The following CSMD1 variants were observed in gnomAD, a reference collection of about 807,000 sequenced individuals.
CSMD1 encodes CUB and sushi domain-containing protein 1.
A neutral mutation model predicts 417.5 loss-of-function variants in CSMD1; 213 were observed. The ratio of observed to expected loss-of-function variants is 0.51; its 90% CI spans 0.46 to 0.57. CSMD1 has a LOEUF of 0.57. CSMD1 is among the 20% of genes least tolerant of loss of function. The probability of loss-of-function intolerance (pLI) is 0.00; values close to 1 mark genes in which losing one functional copy is unlikely to be tolerated. For missense variants in CSMD1, 6,923 were observed against 4,529.7 expected, an observed-to-expected ratio of 1.53 and a Z score of -15.17; for synonymous variants, 2,862 against 1,736.8, an observed-to-expected ratio of 1.65 and a Z score of -16.11.
intron 6 of CSMD1, among the ~76,000 whole-genome samples, chr8:3,722,491 C>G (rs1015185784): frequency 1.3e-5 from 2 of 152,118 alleles, no homozygotes; most frequent in Non-Finnish European, 1.5e-5. Flanking sequence ...CCATTCTCTC[C>G]TGAAAAGCAG....
At chr8:3,029,561 C>G (rs891099741) in intron 50 of CSMD1, 48 bp from the exon 51 acceptor site, 5 of 1,501,152 alleles carry the variant, frequency 3.3e-6, no homozygotes, top group Non-Finnish European at 4.5e-6. Flanking sequence ...TTTTGGAAAA[C>G]ATCAGACCGT....
At chr8:4,178,142 G>C (rs572328260) in intron 3 of CSMD1, among the ~76,000 whole-genome samples, 31 of 152,254 alleles carry the variant, frequency 2.0e-4, no homozygotes, top group African/African-American at 6.7e-4. Flanking sequence ...GAGAATTTTA[G>C]ACCAATATCC....
intron 2 of CSMD1, among the ~76,000 whole-genome samples, chr8:4,476,820 C>T (rs1031667394): frequency 1.3e-5 from 2 of 152,196 alleles, no homozygotes; most frequent in Non-Finnish European, 2.9e-5. Flanking sequence ...AAACCCATCA[C>T]CGTACTTCCC....
intron 3 of CSMD1, among the ~76,000 whole-genome samples, chr8:4,292,247 G>T (rs1186435555): frequency 6.6e-6 from 1 of 151,856 alleles, no homozygotes; most frequent in Non-Finnish European, 1.5e-5. Flanking sequence ...TGTCGTCGTT[G>T]TTGTTGTTGT....
chr8:4,341,507 G>C (rs185147222), intron 3 of CSMD1, among the ~76,000 whole-genome samples: 254 of 152,224 alleles, frequency 1.7e-3, no homozygotes, highest in Admixed American at 4.1e-3. Flanking sequence ...TATCATGAAT[G>C]TGGCCCTTTC....
intron 7 of CSMD1, among the ~76,000 whole-genome samples, chr8:3,693,753 G>T (rs971661369): frequency 6.6e-5 from 10 of 151,972 alleles, no homozygotes; most frequent in African/African-American, 2.4e-4. Context: ...TGTGTGTGTT[G>T]TATGTGTGTT....
chr8:4,318,253 C>T (rs533701802), intron 3 of CSMD1, among the ~76,000 whole-genome samples: 2 of 152,076 alleles, frequency 1.3e-5, no homozygotes, highest in Admixed American at 6.6e-5. Flanking sequence ...AGAAATGACA[C>T]TTGGTAACAT....
intron 3 of CSMD1, among the ~76,000 whole-genome samples, chr8:4,314,381 C>A (rs943490758): frequency 6.6e-6 from 1 of 152,186 alleles, no homozygotes; most frequent in Non-Finnish European, 1.5e-5. Flanking sequence ...TCTGTCAGGG[C>A]CAGAGTTCAC....
At chr8:3,268,087 G>A (rs1801561737) in intron 26 of CSMD1, among the ~76,000 whole-genome samples, 1 of 151,984 alleles carries the variant, frequency 6.6e-6, no homozygotes, top group Admixed American at 6.6e-5. Context: ...CAATGCCCAT[G>A]GGGTACTCAG....
At chr8:3,512,116 C>G (rs1011145891) in intron 10 of CSMD1, among the ~76,000 whole-genome samples, 7 of 152,172 alleles carry the variant, frequency 4.6e-5, no homozygotes, top group African/African-American at 1.7e-4. Context: ...CTCATCCTGC[C>G]TGGACTGTGG....
chr8:4,355,001 G>A (rs985605366), intron 3 of CSMD1, among the ~76,000 whole-genome samples: 12 of 151,830 alleles, frequency 7.9e-5, no homozygotes, highest in Admixed American at 2.0e-4. Flanking sequence ...GGTGGCTCAC[G>A]CCTGTAATCC....
chr8:4,164,033 A>G (rs1343216917), intron 3 of CSMD1, among the ~76,000 whole-genome samples: 1 of 152,180 alleles, frequency 6.6e-6, no homozygotes, highest in Non-Finnish European at 1.5e-5. Flanking sequence ...AGCTGTTGGT[A>G]CATGTGTCAT....
At chr8:4,155,765 T>A (rs938206942) in intron 3 of CSMD1, among the ~76,000 whole-genome samples, 3 of 152,156 alleles carry the variant, frequency 2.0e-5, no homozygotes, top group Non-Finnish European at 4.4e-5. Context: ...GATCCCCGGA[T>A]CTTTCCAGTA....
chr8:4,730,801 G>C (rs1809800262), intron 1 of CSMD1, among the ~76,000 whole-genome samples: 2 of 151,960 alleles, frequency 1.3e-5, no homozygotes, highest in South Asian at 4.2e-4. Flanking sequence ...AGACGGAGAA[G>C]TTGCTGATTT....
chr8:3,295,404 G>A (rs1224563315), intron 25 of CSMD1, among the ~76,000 whole-genome samples: 1 of 152,116 alleles, frequency 6.6e-6, no homozygotes, highest in East Asian at 1.9e-4. Context: ...GGGATTAGAG[G>A]TGTGAGCCAC....
In CSMD1 at chr8:3,348,215, T is replaced by C. The variant is rs1487130087; in HGVS notation, c.3305-54A>G. On this transcript the variant is annotated intron_variant, in intron 21 of 69. Coordinates refer to ENST00000635120, the MANE Select transcript of CSMD1 (RefSeq NM_033225.6). ...GGATTCAAAAGTGGAATTACTGTTTTTAACAGATTAAAAACTTTAAAATCA... is the reference window on the plus strand; with the variant it reads ...GGATTCAAAAGTGGAATTACTGTTTCTAACAGATTAAAAACTTTAAAATCA... 9 of 1,429,504 alleles carry C rather than the reference T, an allele frequency of 6.3e-6. No individual in the cohort carries two copies. In the East Asian group the frequency reaches 1.6e-4, roughly 26 times the overall value. The allele number at this position is 1,429,504 out of a possible 1,614,324, so 88.6% of individuals were successfully genotyped here.
chr8:4,288,485 G>C (rs1797183717), intron 3 of CSMD1, among the ~76,000 whole-genome samples: 2 of 152,120 alleles, frequency 1.3e-5, no homozygotes, highest in Admixed American at 6.5e-5. Flanking sequence ...GAGGCTATGG[G>C]TAATCCCACT....
At chr8:4,246,227 T>A (rs976879406) in intron 3 of CSMD1, among the ~76,000 whole-genome samples, 2 of 152,202 alleles carry the variant, frequency 1.3e-5, no homozygotes, top group African/African-American at 4.8e-5. Flanking sequence ...AGTGTGTTCA[T>A]GAGCTCTCAT....
At chr8:3,901,562 G>A (rs1807754257) in intron 5 of CSMD1, among the ~76,000 whole-genome samples, 2 of 152,194 alleles carry the variant, frequency 1.3e-5, no homozygotes, top group South Asian at 4.1e-4. Flanking sequence ...TGCTCATAAA[G>A]TAGAGTCCTC....
Sources: gnomAD v4.1 joint callset for allele counts (sites outside exome capture counted in the v4.1 genomes callset) on GRCh38, gnomAD v4.1.1 for gene constraint, MANE v1.5 for transcripts, NCBI Gene and HGNC (gene_info 2026-07-23, HGNC 2026-07-21) for gene names.